Variants in SHTN1 observed in about 807,000 individuals in gnomAD.
SHTN1 encodes shootin-1.
A neutral mutation model predicts 83.1 loss-of-function variants in SHTN1; 42 were observed. That is an observed-to-expected ratio of 0.51 (90% CI 0.39 to 0.65). SHTN1 has a LOEUF of 0.65. SHTN1 is among the 30% of genes least tolerant of loss of function. The pLI is 0.00. For missense variants in SHTN1, 622 were observed against 737.8 expected (o/e 0.84, Z 1.82); for synonymous variants, 224 against 247.7 (o/e 0.90, Z 0.90).
At chr10:116,998,593 T>C (rs1851717141) in intron 1 of SHTN1, among the ~76,000 whole-genome samples, 1 of 152,196 alleles carries the variant, frequency 6.6e-6, no homozygotes, top group Admixed American at 6.5e-5. Flanking sequence ...GGTTTGTTAT[T>C]ATCCATGATT....
intron 10 of SHTN1, among the ~76,000 whole-genome samples, chr10:116,928,096 AAT>A (rs1284306924): frequency 6.6e-6 from 1 of 152,232 alleles, no homozygotes; most frequent in Non-Finnish European, 1.5e-5. Context: ...CCTATCCATC[AAT>A]ATTAAATGTT....
intron 4 of SHTN1, among the ~76,000 whole-genome samples, chr10:116,959,244 C>T (rs1375894502): frequency 6.6e-6 from 1 of 152,196 alleles, no homozygotes. Context: ...AGAGAAGTTA[C>T]ATACCCAAAT....
intron 1 of SHTN1, among the ~76,000 whole-genome samples, chr10:117,122,171 CTATT>C (rs1346548393): frequency 6.6e-6 from 1 of 151,582 alleles, no homozygotes; most frequent in African/African-American, 2.4e-5. Flanking sequence ...TTTCATATTG[CTATT>C]TATTGTTTGT....
At chr10:117,036,501 T>C (rs10886029) in intron 2 of SHTN1, among the ~76,000 whole-genome samples, 99,255 of 152,058 alleles carry the variant, frequency 0.65, 36,167 homozygotes, top group Middle Eastern at 0.84. Context: ...CTGATGGAAC[T>C]GGAACTCATG....
chr10:116,888,644 G>C (rs937419546), intron 16 of SHTN1, among the ~76,000 whole-genome samples: 1 of 152,206 alleles, frequency 6.6e-6, no homozygotes, highest in East Asian at 1.9e-4. Context: ...ACCTGCCCCA[G>C]GATTTGGAAA....
At chr10:117,002,640 C>T (rs967573828) in intron 1 of SHTN1, among the ~76,000 whole-genome samples, 11 of 152,156 alleles carry the variant, frequency 7.2e-5, no homozygotes, top group Non-Finnish European at 1.3e-4. Context: ...CTTCCAAATC[C>T]CTAGCTTCCC....
intron 1 of SHTN1, among the ~76,000 whole-genome samples, chr10:117,114,085 T>A (rs1853808862): frequency 6.6e-6 from 1 of 151,938 alleles, no homozygotes. Context: ...CACAATGGTG[T>A]GCCCCTCCAG....
intron 1 of SHTN1, among the ~76,000 whole-genome samples, chr10:117,095,604 G>A (rs1481791836): frequency 3.3e-5 from 5 of 152,090 alleles, no homozygotes; most frequent in East Asian, 1.9e-4. Context: ...AGAGAAATGC[G>A]TACTATTCTC....
chr10:117,124,634 G>A (rs1021255278), intron 1 of SHTN1, among the ~76,000 whole-genome samples: 1 of 151,954 alleles, frequency 6.6e-6, no homozygotes. Flanking sequence ...TTAGCCGAGC[G>A]TGGTGGTGGG....
At chr10:116,898,054 G>A (rs1311996417) in intron 16 of SHTN1, among the ~76,000 whole-genome samples, 6 of 152,178 alleles carry the variant, frequency 3.9e-5, no homozygotes, top group Admixed American at 1.3e-4. Context: ...TAGGCTGAGC[G>A]TGGTGGCTCA....
Position 116,881,900 on chromosome 10 carries a change from T to C in SHTN1, c.*4444A>G, listed in dbSNP as rs1331371642. The C allele has an allele frequency of 2.6e-6, 1 of 379,796 alleles. No individual in the cohort carries two copies. Among genetic ancestry groups the C allele is most frequent in the Non-Finnish European group, 4.6e-6 (1 of 215,878 alleles). The allele number at this position is 379,796 out of a possible 1,614,324, so 23.5% of individuals were successfully genotyped here. A position where few individuals can be genotyped will look rare whatever the true frequency, so the allele number is the denominator to read the frequency against. ...CTTCCATGTGGATTTTGTTTGTCTATTAGCTCTCCTGTCCATTTTTCAGGG... is the reference window on the plus strand; with the variant it reads ...CTTCCATGTGGATTTTGTTTGTCTACTAGCTCTCCTGTCCATTTTTCAGGG... On this transcript the variant is annotated 3_prime_UTR_variant, in exon 17 of 17. Transcript: ENST00000355371.
intron 1 of SHTN1, among the ~76,000 whole-genome samples, chr10:117,071,426 C>T (rs1853079545): frequency 6.6e-6 from 1 of 152,174 alleles, no homozygotes; most frequent in Admixed American, 6.5e-5. Flanking sequence ...AATAGCATTA[C>T]TCAATAAGTC....
chr10:116,893,727 G>T (rs978968202), intron 16 of SHTN1, among the ~76,000 whole-genome samples: 1 of 152,030 alleles, frequency 6.6e-6, no homozygotes, highest in South Asian at 2.1e-4. Context: ...AACAAAACAT[G>T]ACCCCAAACC....
At chr10:116,995,254 ACT>A (rs1851587248) in intron 1 of SHTN1, among the ~76,000 whole-genome samples, 1 of 152,154 alleles carries the variant, frequency 6.6e-6, no homozygotes, top group Non-Finnish European at 1.5e-5. Flanking sequence ...AACAAAAAGA[ACT>A]CTGACCTGTA....
At chr10:116,920,201 T>C (rs1848508619) in intron 12 of SHTN1, among the ~76,000 whole-genome samples, 1 of 152,180 alleles carries the variant, frequency 6.6e-6, no homozygotes, top group Non-Finnish European at 1.5e-5. Flanking sequence ...ATGAAGAGTC[T>C]GGAACACACC....
At chr10:116,969,168 T>G (rs1336332548) in intron 2 of SHTN1, among the ~76,000 whole-genome samples, 1 of 152,208 alleles carries the variant, frequency 6.6e-6, no homozygotes, top group African/African-American at 2.4e-5. Context: ...GGCTCACGCC[T>G]GTAATCCCAG....
rs559048553 is a variant in SHTN1, at chr10:116,911,870, C to T, written c.1306-27G>A. 1,753 of 1,554,710 alleles carry T rather than the reference C, an allele frequency of 1.1e-3. 33 individuals carry two copies. In the South Asian group the frequency reaches 0.018, roughly 16 times the overall value. ...TATAATTTTAATAAGAAAGAAAAAT[C>T]ACTGAGTAATTCAGTTTAAAAATAC... is the stretch of plus-strand genomic sequence containing the variant. On this transcript the variant is annotated intron_variant, in intron 13 of 16. Coordinates refer to ENST00000355371, the MANE Select transcript of SHTN1 (RefSeq NM_001127211.3).
intron 1 of SHTN1, among the ~76,000 whole-genome samples, chr10:116,980,588 A>G (rs1438571471): frequency 3.3e-5 from 5 of 152,110 alleles, no homozygotes; most frequent in Admixed American, 3.3e-4. Flanking sequence ...AGAAAGAAAA[A>G]AAAACAAAAA....
At chr10:117,027,688 C>T (rs767044693) in intron 2 of SHTN1, among the ~76,000 whole-genome samples, 3 of 152,022 alleles carry the variant, frequency 2.0e-5, no homozygotes, top group African/African-American at 2.4e-5. Context: ...TTAGAAGAGA[C>T]GGGGTTTCAC....
Sources: gnomAD v4.1 joint callset for allele counts (sites outside exome capture counted in the v4.1 genomes callset) on GRCh38, gnomAD v4.1.1 for gene constraint, MANE v1.5 for transcripts, NCBI Gene and HGNC (gene_info 2026-07-23, HGNC 2026-07-21) for gene names.